Variants in ASB3 observed in about 807,000 individuals in gnomAD.
The protein encoded by ASB3 is ankyrin repeat and SOCS box protein 3.
In ASB3, 41 loss-of-function variants were observed where a neutral mutation model predicts 54.5. The ratio of observed to expected loss-of-function variants is 0.75; its 90% CI spans 0.59 to 0.98. The LOEUF (loss-of-function observed/expected upper bound fraction) is 0.98. Ranked by LOEUF, ASB3 falls within the 50% of genes least tolerant of loss-of-function variation. ASB3 has a pLI of 0.00. For synonymous variants in ASB3, 266 were observed against 221.2 expected (o/e 1.20, Z -1.80); for missense variants, 733 against 620.0 (o/e 1.18, Z -1.94).
At chr2:53,765,313 T>C in intron 2 of ASB3, 64 bp downstream of exon 2, 3 of 1,600,028 alleles carry the variant, frequency 1.9e-6, no homozygotes, top group Non-Finnish European at 1.7e-6. Context: ...TTATGTATTA[T>C]ACTTTTTTAT....
chr2:53,717,843 G>T (rs955843244), intron 5 of ASB3, among the ~76,000 whole-genome samples: 1 of 151,996 alleles, frequency 6.6e-6, no homozygotes, highest in Non-Finnish European at 1.5e-5. Flanking sequence ...TCTTAAAAAG[G>T]AATCAATCAG....
At chr2:53,740,702 C>T (rs998503120) in intron 3 of ASB3, among the ~76,000 whole-genome samples, 2 of 152,134 alleles carry the variant, frequency 1.3e-5, no homozygotes, top group Non-Finnish European at 1.5e-5. Context: ...ATAACAAAAA[C>T]GTTGTGGCGA....
intron 3 of ASB3, among the ~76,000 whole-genome samples, chr2:53,737,289 T>C (rs1232135528): frequency 1.3e-5 from 2 of 152,026 alleles, no homozygotes. Flanking sequence ...GAAGTCCAAG[T>C]AGAGCAACAG....
chr2:53,782,466 G>A (rs1053499131), intron 1 of ASB3, among the ~76,000 whole-genome samples: 1 of 152,092 alleles, frequency 6.6e-6, no homozygotes, highest in Non-Finnish European at 1.5e-5. Context: ...AAGGACGTAG[G>A]ACTAAAATCA....
At chr2:53,747,596 G>C (rs973299630) in intron 3 of ASB3, among the ~76,000 whole-genome samples, 2 of 152,124 alleles carry the variant, frequency 1.3e-5, no homozygotes, top group African/African-American at 4.8e-5. Context: ...GTTTAAGAGA[G>C]GTCTTCTCAG....
At chr2:53,744,974 T>C (rs953576827) in intron 3 of ASB3, among the ~76,000 whole-genome samples, 1 of 152,152 alleles carries the variant, frequency 6.6e-6, no homozygotes, top group Non-Finnish European at 1.5e-5. Flanking sequence ...TGAAAAACCA[T>C]CCATCAAAAG....
At chr2:53,719,583 T>A (rs573111051) in intron 5 of ASB3, among the ~76,000 whole-genome samples, 7 of 151,182 alleles carry the variant, frequency 4.6e-5, no homozygotes, top group African/African-American at 1.7e-4. Flanking sequence ...AGCCCCAAGA[T>A]AATCCCCCCT....
chr2:53,764,050 C>CA (rs1253772532), intron 2 of ASB3, among the ~76,000 whole-genome samples: 8 of 151,680 alleles, frequency 5.3e-5, no homozygotes, highest in Non-Finnish European at 1.0e-4. Context: ...ACAACAACAA[C>CA]AAAAAAAACA....
At position 53,742,880 on chromosome 2, in the gene ASB3, A is replaced by C. The variant is rs114879747; in HGVS notation, c.355+7903T>G. 9.2e-3 allele frequency among the ~76,000 whole-genome samples: 1,399 copies of C among 152,324 alleles called. 25 individuals are homozygous for C. Among genetic ancestry groups the C allele is most frequent in the African/African-American group, 0.032 (1,326 of 41,582 alleles). ...TAATAACAGAACAGACAAATATTTA[A>C]AGATATAATTCCAGAAAGATTAACT... is the stretch of plus-strand genomic sequence containing the variant. On this transcript the variant is annotated intron_variant, in intron 3 of 9. Coordinates refer to ENST00000263634, the MANE Select transcript of ASB3 (RefSeq NM_016115.5).
chr2:53,785,766 C>G (rs909436852), intron 1 of ASB3, among the ~76,000 whole-genome samples: 1 of 152,204 alleles, frequency 6.6e-6, no homozygotes, highest in Non-Finnish European at 1.5e-5. Flanking sequence ...CCCTTGAACT[C>G]CAGAGGCGGA....
intron 9 of ASB3, among the ~76,000 whole-genome samples, chr2:53,671,637 T>C (rs1667823868): frequency 6.6e-6 from 1 of 152,010 alleles, no homozygotes; most frequent in African/African-American, 2.4e-5. Context: ...CACATGCCTG[T>C]AATCCCACCT....
intron 9 of ASB3, among the ~76,000 whole-genome samples, chr2:53,673,158 C>T (rs1344422861): frequency 6.6e-6 from 1 of 152,124 alleles, no homozygotes; most frequent in Non-Finnish European, 1.5e-5. Flanking sequence ...ACTGTTTAAT[C>T]CAGTGTGTGT....
At chr2:53,731,841 T>C (rs975293225) in intron 3 of ASB3, among the ~76,000 whole-genome samples, 3 of 152,140 alleles carry the variant, frequency 2.0e-5, no homozygotes, top group Admixed American at 1.3e-4. Flanking sequence ...TTTGTAGAGA[T>C]AGCGTCTCAC....
At chr2:53,721,453 C>T (rs1670708544) in intron 5 of ASB3, among the ~76,000 whole-genome samples, 2 of 150,776 alleles carry the variant, frequency 1.3e-5, no homozygotes, top group Admixed American at 1.3e-4. Flanking sequence ...TGCCTATAGT[C>T]CCAGCTACTC....
chr2:53,742,462 C>T (rs1253112913), intron 3 of ASB3, among the ~76,000 whole-genome samples: 1 of 152,050 alleles, frequency 6.6e-6, no homozygotes, highest in Non-Finnish European at 1.5e-5. Context: ...AACCTCTCAT[C>T]TGAAAAATAT....
chr2:53,689,016 TG>T (rs1668772135), intron 9 of ASB3, among the ~76,000 whole-genome samples: 1 of 152,180 alleles, frequency 6.6e-6, no homozygotes, highest in Non-Finnish European at 1.5e-5. Flanking sequence ...TAAAATAAAT[TG>T]ATCTAAATTT....
At chr2:53,784,708 C>G (rs1016777413) in intron 1 of ASB3, among the ~76,000 whole-genome samples, 1 of 152,148 alleles carries the variant, frequency 6.6e-6, no homozygotes, top group African/African-American at 2.4e-5. Flanking sequence ...CCAAATTTCC[C>G]TCTTCTTATA....
chr2:53,717,807 G>A (rs1377860705), intron 5 of ASB3, among the ~76,000 whole-genome samples: 2 of 152,158 alleles, frequency 1.3e-5, no homozygotes, highest in Middle Eastern at 3.4e-3. Flanking sequence ...AGCAATTCAG[G>A]AAATGAAGGC....
Position 53,719,864 on chromosome 2 carries a change from C to T in ASB3, c.605-3121G>A, listed in dbSNP as rs568380255. ...ATCGCTTGAGCTCAGGAGTTCAAGACCAGCCAGGGCAATGTGAAAGGAAAA... is the reference window on the plus strand; with the variant it reads ...ATCGCTTGAGCTCAGGAGTTCAAGATCAGCCAGGGCAATGTGAAAGGAAAA... On this transcript the variant is annotated intron_variant, in intron 5 of 9. Transcript: ENST00000263634. 2.6e-5 allele frequency among the ~76,000 whole-genome samples: 4 copies of T among 152,222 alleles called. No homozygotes were observed. The South Asian group carries it at 6.2e-4, about 24-fold the overall frequency.
Sources: allele counts gnomAD v4.1 joint callset (sites outside exome capture counted in the v4.1 genomes callset), GRCh38; gene constraint gnomAD v4.1.1; transcripts MANE v1.5; gene names NCBI Gene and HGNC (gene_info 2026-07-23, HGNC 2026-07-21).